Variants in ICA1 observed in about 807,000 individuals in gnomAD.
The protein encoded by ICA1 is islet cell autoantigen 1.
ICA1 carries 40 observed loss-of-function variants against 71.0 expected under a neutral mutation model. The ratio of observed to expected loss-of-function variants is 0.56; its 90% CI spans 0.44 to 0.73. ICA1 has a LOEUF of 0.73. Among genes scored for constraint, ICA1 ranks in the 30% least tolerant of loss-of-function variants. ICA1 has a pLI of 0.00. For missense variants in ICA1, 578 were observed against 576.5 expected, an observed-to-expected ratio of 1.00 and a Z score of -0.03; for synonymous variants, 207 against 209.5, an observed-to-expected ratio of 0.99 and a Z score of 0.10.
chr7:8,172,137 T>C (rs908827276), intron 6 of ICA1, among the ~76,000 whole-genome samples: 2 of 152,064 alleles, frequency 1.3e-5, no homozygotes, highest in African/African-American at 4.8e-5. Context: ...GTCTTCTATA[T>C]CCTTATTGAT....
At chr7:8,129,271 GT>G (rs955447933) in intron 12 of ICA1, among the ~76,000 whole-genome samples, 1 of 151,154 alleles carries the variant, frequency 6.6e-6, no homozygotes, top group South Asian at 2.1e-4. Flanking sequence ...CATGATTTAT[GT>G]TTTTTTTCTG....
At chr7:8,249,161 A>G (rs1033912838) in intron 1 of ICA1, among the ~76,000 whole-genome samples, 1 of 152,284 alleles carries the variant, frequency 6.6e-6, no homozygotes, top group Admixed American at 6.5e-5. Context: ...GCCATGGCAG[A>G]GGAAACTGCC....
chr7:8,155,124 T>G (rs1801033835), intron 8 of ICA1, among the ~76,000 whole-genome samples: 1 of 152,210 alleles, frequency 6.6e-6, no homozygotes, highest in Admixed American at 6.5e-5. Flanking sequence ...ACAGTTTATT[T>G]GGTTGGTTTC....
intron 12 of ICA1, among the ~76,000 whole-genome samples, chr7:8,133,446 T>C (rs186182969): frequency 1.7e-3 from 263 of 152,292 alleles, no homozygotes; most frequent in Non-Finnish European, 3.1e-3. Flanking sequence ...AAAACTTTTG[T>C]AGAGATAGGG....
intron 1 of ICA1, among the ~76,000 whole-genome samples, chr7:8,239,838 C>T (rs1357737536): frequency 1.3e-5 from 2 of 152,226 alleles, no homozygotes; most frequent in Non-Finnish European, 2.9e-5. Flanking sequence ...GTCAGCCTAG[C>T]TGGGGCAGGG....
At chr7:8,124,337 T>A (rs541707078) in intron 13 of ICA1, among the ~76,000 whole-genome samples, 1 of 151,846 alleles carries the variant, frequency 6.6e-6, no homozygotes, top group Admixed American at 6.6e-5. Flanking sequence ...GCCATGATGG[T>A]CTCGACCTCT....
intron 6 of ICA1, among the ~76,000 whole-genome samples, chr7:8,199,840 T>G (rs1788944644): frequency 6.6e-6 from 1 of 152,134 alleles, no homozygotes; most frequent in Admixed American, 6.5e-5. Context: ...TCTCACTTAT[T>G]TGTGGAACCT....
chr7:8,231,349 A>G (rs928241482), intron 3 of ICA1, among the ~76,000 whole-genome samples: 1 of 152,136 alleles, frequency 6.6e-6, no homozygotes, highest in African/African-American at 2.4e-5. Context: ...GAGCTTTGCT[A>G]TGTACTAGAG....
intron 4 of ICA1, among the ~76,000 whole-genome samples, chr7:8,225,017 TA>T (rs1312331724): frequency 2.0e-5 from 3 of 152,206 alleles, no homozygotes; most frequent in African/African-American, 7.2e-5. Flanking sequence ...GTTAAGGAGG[TA>T]TCTGCTGGGT....
chr7:8,203,737 T>C (rs1790525309), intron 6 of ICA1, among the ~76,000 whole-genome samples: 1 of 152,208 alleles, frequency 6.6e-6, no homozygotes, highest in Admixed American at 6.5e-5. Flanking sequence ...TCTGTGCCTA[T>C]TTGCTGTAGG....
intron 1 of ICA1, among the ~76,000 whole-genome samples, chr7:8,254,660 C>T (rs1386125238): frequency 6.6e-6 from 1 of 151,398 alleles, no homozygotes; most frequent in Non-Finnish European, 1.5e-5. Context: ...TGGGCATGTA[C>T]CCTCTAGGGC....
intron 8 of ICA1, among the ~76,000 whole-genome samples, chr7:8,149,026 T>C (rs1406540880): frequency 6.6e-6 from 1 of 152,198 alleles, no homozygotes; most frequent in Admixed American, 6.5e-5. Flanking sequence ...TCCATTGAAG[T>C]GCTTAACCCT....
chr7:8,247,014 G>A (rs1806285146), intron 1 of ICA1, among the ~76,000 whole-genome samples: 1 of 152,120 alleles, frequency 6.6e-6, no homozygotes, highest in Non-Finnish European at 1.5e-5. Flanking sequence ...CCAAAGTGCT[G>A]GGATTACAGG....
intron 12 of ICA1, among the ~76,000 whole-genome samples, chr7:8,136,279 C>T (rs985987826): frequency 1.3e-5 from 2 of 152,096 alleles, no homozygotes; most frequent in Non-Finnish European, 2.9e-5. Context: ...GTGAACCGGC[C>T]CCCAAGCAGC....
rs1015205360 is a variant in ICA1 at position 8,234,882 on chromosome 7, T to C, written c.17+1028A>G. Among the ~76,000 whole-genome samples the C allele has an allele frequency of 2.0e-5, 3 of 152,196 alleles. No individual in the cohort carries two copies. Among genetic ancestry groups the C allele is most frequent in the Admixed American group, 1.3e-4 (2 of 15,280 alleles). On this transcript the variant is annotated intron_variant, in intron 2 of 13. Transcript: ENST00000402384. This position sits in a 1 kb window ranked among gnomAD's most constrained non-coding sequence, Gnocchi z 4.5. ...AGAGTGGGCCATAGAATGGATTTCT[T>C]TGGCCGGGCGCGGTGGCTCATGCCT...
chr7:8,218,745 C>A, intron 5 of ICA1: 1 of 531,292 alleles, frequency 1.9e-6, no homozygotes, highest in African/African-American at 1.9e-5. Context: ...CTGGCAAGCA[C>A]CTCCATCCGC....
intron 1 of ICA1, among the ~76,000 whole-genome samples, chr7:8,244,047 GA>G (rs59778024): frequency 0.45 from 67,638 of 151,878 alleles, 17,082 homozygotes; most frequent in African/African-American, 0.69. Context: ...CACAGAATTG[GA>G]AAAAAACTAC....
rs1183938739 is a variant in ICA1 at position 8,130,040 on chromosome 7, T to C, written c.1061-1898A>G. 1.6e-4 allele frequency among the ~76,000 whole-genome samples: 24 copies of C among 152,172 alleles called. No individual in the cohort carries two copies. The highest frequency in any genetic ancestry group is 9.8e-4 in the Admixed American group (15 of 15,282). On this transcript the variant is annotated intron_variant, in intron 12 of 13. Coordinates refer to ENST00000402384, the MANE Select transcript of ICA1 (RefSeq NM_001136020.3). This position sits in a 1 kb window ranked among gnomAD's most constrained non-coding sequence, Gnocchi z 4.2. ...CCCTACAAAGGACATGAACTCATCC[T>C]TTTTTATGGCTGCATAGTATTCCAT...
At chr7:8,253,681 T>A (rs533393128) in intron 1 of ICA1, among the ~76,000 whole-genome samples, 1 of 152,298 alleles carries the variant, frequency 6.6e-6, no homozygotes, top group East Asian at 1.9e-4. Flanking sequence ...AAACCTGGCA[T>A]GAGAAACCTG....
Sources: allele counts gnomAD v4.1 joint callset (sites outside exome capture counted in the v4.1 genomes callset), GRCh38; gene constraint gnomAD v4.1.1; non-coding constraint Gnocchi (gnomAD v3.1); transcripts MANE v1.5; gene names NCBI Gene and HGNC (gene_info 2026-07-23, HGNC 2026-07-21).